The following CYP11B2 variants were observed in gnomAD, a reference collection of about 807,000 sequenced individuals.
The protein encoded by CYP11B2 is cytochrome P450 family 11 subfamily B member 2.
CYP11B2 carries 38 observed loss-of-function variants against 49.3 expected under a neutral mutation model. The observed-to-expected ratio is 0.77, with a 90% CI of 0.59 to 1.01. The LOEUF is 1.01. Ranked by LOEUF, CYP11B2 falls within the 50% of genes least tolerant of loss-of-function variation. CYP11B2 has a pLI of 0.00. For missense variants in CYP11B2, 669 were observed against 655.5 expected (o/e 1.02, Z -0.23); for synonymous variants, 290 against 269.3 (o/e 1.08, Z -0.75).
Position 142,914,803 on chromosome 8 carries a change from G to C in CYP11B2, c.701C>G (p.Thr234Ser). The change falls in exon 4 of 9, where the codon ACC becomes AGC. Residue 234 changes from threonine to serine, a missense_variant. Physicochemically the swap from Thr to Ser is moderately conservative, Grantham distance 58. Transcript: ENST00000323110. The part of the protein sequence containing the change: ...LHALEVMFKS[T>S]VQLMFMPRSL... ...CCTGGGCATGAACATGAGCTGGACG[G>C]TGGATTTGAACATGACCTCCAGGGC... The C allele has an allele frequency of 2.5e-6, 4 of 1,613,744 alleles. No homozygotes were observed. The highest frequency in any genetic ancestry group is 3.4e-6 in the Non-Finnish European group (4 of 1,179,998).
rs1817559591 is a variant in CYP11B2, at chr8:142,912,687, G to A, written c.1241C>T (p.Ala414Val). The change falls in exon 8 of 9, where the codon GCC becomes GTC. Residue 414 changes from alanine to valine, a missense_variant. Coordinates refer to ENST00000323110, the MANE Select transcript of CYP11B2 (RefSeq NM_000498.3). ...CCGCTCAGGCCTCGGGAACAAGGCG[G>A]CATTGCGACCCAGCGAGTAGAGGAA... The part of the protein sequence containing the change: ...QVFLYSLGRN[A>V]ALFPRPERYN... The A allele has an allele frequency of 1.1e-5, 18 of 1,614,090 alleles. No homozygotes were observed. The highest frequency in any genetic ancestry group is 1.5e-5 in the Non-Finnish European group (18 of 1,179,948).
intron 2 of CYP11B2, among the ~76,000 whole-genome samples, chr8:142,916,774 C>T (rs1586576531): frequency 1.3e-5 from 2 of 152,284 alleles, no homozygotes; most frequent in South Asian, 2.1e-4. Flanking sequence ...AAGCAGCCGC[C>T]GAGGTTGGTG....
chr8:142,912,875 C>T lies in CYP11B2; in HGVS notation c.1132G>A (p.Val378Met). 3 of 1,613,328 alleles carry T rather than the reference C, an allele frequency of 1.9e-6. No individual in the cohort carries two copies. The highest frequency in any genetic ancestry group is 1.7e-6 in the Non-Finnish European group (2 of 1,179,714). The change falls in exon 7 of 9, where the codon GTG becomes ATG. Residue 378 changes from valine to methionine, a missense_variant. Coordinates refer to ENST00000323110, the MANE Select transcript of CYP11B2 (RefSeq NM_000498.3). ...ALKETLRLYP[V>M]GLFLERVVSS... Reference sequence around the variant, plus strand: ...ACCACTCGCTCCAAAAACAGACCCACAGGGTAGAGCCTGGAGGTGGGGGCA... The same window carrying T: ...ACCACTCGCTCCAAAAACAGACCCATAGGGTAGAGCCTGGAGGTGGGGGCA...
chr8:142,915,335 C>T (rs570178480), intron 2 of CYP11B2, 90 bp from the exon 3 acceptor site: 18 of 1,214,534 alleles, frequency 1.5e-5, no homozygotes, highest in South Asian at 6.5e-5. Flanking sequence ...CAAGGGGAAT[C>T]GGCCTGCAGG....
Position 142,911,109 on chromosome 8 carries a change from A to C in CYP11B2, c.*871T>G, listed in dbSNP as rs765238629. 6.6e-6 allele frequency: 1 copy of C among 152,166 alleles called. No individual in the cohort carries two copies. Among genetic ancestry groups the C allele is most frequent in the African/African-American group, 2.4e-5 (1 of 41,432 alleles). 9.4% of individuals were successfully genotyped at this position (152,166 alleles called of 1,614,324 possible). ...ACATGGCTCCGTATCAACCAGAGGAATGAGTCAATAAAACTCATCTGAGTC... is the reference window on the plus strand; with the variant it reads ...ACATGGCTCCGTATCAACCAGAGGACTGAGTCAATAAAACTCATCTGAGTC... On this transcript the variant is annotated 3_prime_UTR_variant, in exon 9 of 9. Coordinates refer to ENST00000323110, the MANE Select transcript of CYP11B2 (RefSeq NM_000498.3).
rs1817592827 is a variant in CYP11B2, at chr8:142,914,157, TG to T, written c.954+106del. The stretch of plus-strand genomic sequence containing the variant: ...CTGAGGGCAACAGAAATGTGGGGCC[TG>T]TAGCCTGGGGATGGGGAACGTGGGT... On this transcript the variant is annotated intron_variant, in intron 5 of 8. Coordinates refer to ENST00000323110, the MANE Select transcript of CYP11B2 (RefSeq NM_000498.3). 4 of 1,315,038 alleles carry T rather than the reference TG, an allele frequency of 3.0e-6. No individual in the cohort carries two copies. In the East Asian group the frequency reaches 9.3e-5, roughly 31 times the overall value. 81.5% of individuals were successfully genotyped at this position (1,315,038 alleles called of 1,614,324 possible). A position where few individuals can be genotyped will look rare whatever the true frequency, so the allele number is the denominator to read the frequency against.
rs1285945305 is a variant in CYP11B2, at chr8:142,914,410, A to T, written c.808T>A (p.Cys270Ser). 1 of 1,612,442 alleles carries T rather than the reference A, an allele frequency of 6.2e-7. No individual in the cohort carries two copies. The highest frequency in any genetic ancestry group is 8.5e-7 in the Non-Finnish European group (1 of 1,179,268). ...WDCIFQYGDN[C>S]IQKIYQELAF... Reference sequence around the variant, plus strand: ...AGTTCCTGGTAGATTTTCTGGATACAGTTGTCACCTGTCCAGGGAGCAGGG... The same window carrying T: ...AGTTCCTGGTAGATTTTCTGGATACTGTTGTCACCTGTCCAGGGAGCAGGG... Residue 270 changes from cysteine to serine, a missense_variant, in exon 5 of 9, where the codon TGT (cysteine) becomes AGT (serine). Transcript: ENST00000323110.
At position 142,912,863 on chromosome 8, in the gene CYP11B2, A is replaced by G. The variant is rs61757295; in HGVS notation, c.1144T>C (p.Leu382=). The change falls in exon 7 of 9, where the codon TTG becomes CTG. Residue 382 remains leucine (L), a synonymous_variant. Transcript: ENST00000323110. Reference sequence around the variant, plus strand: ...AAGTCTGAGCTCACCACTCGCTCCAAAAACAGACCCACAGGGTAGAGCCTG... The same window carrying G: ...AAGTCTGAGCTCACCACTCGCTCCAGAAACAGACCCACAGGGTAGAGCCTG... The part of the protein sequence containing the change: ...TLRLYPVGLF[L]ERVVSSDLVL... 8.2e-3 allele frequency: 13,097 copies of G among 1,593,184 alleles called. 159 individuals are homozygous for G. Among genetic ancestry groups the G allele is most frequent in the African/African-American group, 0.037 (2,728 of 72,832 alleles).
chr8:142,916,885 A>G (rs1817654988), intron 2 of CYP11B2, among the ~76,000 whole-genome samples, 174 bp downstream of exon 2: 1 of 152,014 alleles, frequency 6.6e-6, no homozygotes, highest in African/African-American at 2.4e-5. Context: ...TCCCCAACCC[A>G]CAGTGCAGAC....
Position 142,914,732 on chromosome 8 carries a change from C to T in CYP11B2, c.772G>A (p.Glu258Lys). Residue 258 changes from glutamate (E) to lysine (K), a missense_variant, in exon 4 of 9, where the codon GAG becomes AAG. By Grantham distance (56) the Glu-to-Lys change is moderately conservative (BLOSUM62 1). Transcript: ENST00000323110. ...TACTGGAAGATGCAGTCCCAGGCCT[C>T]AAAGTGCTCCTTCCACACCTTGGGG... Reference protein sequence around the residue: ...ISPKVWKEHFEAWDCIFQYGD... With the variant: ...ISPKVWKEHFKAWDCIFQYGD... The T allele has an allele frequency of 6.2e-7, 1 of 1,612,432 alleles. No homozygotes were observed. Among genetic ancestry groups the T allele is most frequent in the East Asian group, 2.2e-5 (1 of 44,840 alleles).
chr8:142,915,892 C>A (rs1205003892), intron 2 of CYP11B2, among the ~76,000 whole-genome samples: 2 of 152,184 alleles, frequency 1.3e-5, no homozygotes, highest in Non-Finnish European at 2.9e-5. Context: ...TTATTTATGT[C>A]CAGCTGGCTG....
intron 3 of CYP11B2, 59 bp from the exon 4 acceptor site, chr8:142,914,967 C>T (rs890579892): frequency 1.2e-6 from 2 of 1,610,244 alleles, no homozygotes; most frequent in South Asian, 1.1e-5. Flanking sequence ...GCTGCCTCCC[C>T]ACACTCCCTT....
chr8:142,917,497 A>C (rs1817668188), intron 1 of CYP11B2, 105 bp downstream of exon 1: 1 of 1,613,130 alleles, frequency 6.2e-7, no homozygotes, highest in Non-Finnish European at 8.5e-7. Flanking sequence ...AAGGATGCAG[A>C]GTGCCGGGAC....
chr8:142,912,971 A>G (rs1424537745), intron 6 of CYP11B2, 86 bp from the exon 7 acceptor site: 2 of 1,416,582 alleles, frequency 1.4e-6, no homozygotes. Context: ...AAGACCCCGC[A>G]GAGGTCCCAG....
Position 142,914,364 on chromosome 8 carries a change from T to G in CYP11B2, c.854A>C (p.His285Pro). ...GAGCTCCGCCACGATGCCTGTGTAGTGTTGAGGGCGGTTGAAGGCCAGTTC... is the reference window on the plus strand; with the variant it reads ...GAGCTCCGCCACGATGCCTGTGTAGGGTTGAGGGCGGTTGAAGGCCAGTTC... ...YQELAFNRPQ[H>P]YTGIVAELLL... The change falls in exon 5 of 9, where the codon CAC (histidine) becomes CCC (proline). Residue 285 changes from histidine (H) to proline (P), a missense_variant. His to Pro is a moderately conservative substitution (Grantham distance 77). Transcript: ENST00000323110. The G allele has an allele frequency of 6.2e-7, 1 of 1,613,496 alleles. No homozygotes were observed. Among genetic ancestry groups the G allele is most frequent in the Non-Finnish European group, 8.5e-7 (1 of 1,179,530 alleles).
In CYP11B2 at chr8:142,910,564, T is replaced by C. The variant is rs1322292972; in HGVS notation, c.*1416A>G. ...GAGATAAAAGGCTTTAAAATATTTT[T>C]CCAAGGTTTATTTTAGGATCCCATG... On this transcript the variant is annotated 3_prime_UTR_variant, in exon 9 of 9. Coordinates refer to ENST00000323110, the MANE Select transcript of CYP11B2 (RefSeq NM_000498.3). The surrounding 1 kb of genome is among the most constrained non-coding windows in gnomAD (Gnocchi z 4.6). 1 of 152,220 alleles carries C rather than the reference T, an allele frequency of 6.6e-6. No individual in the cohort carries two copies. The highest frequency in any genetic ancestry group is 2.4e-5 in the African/African-American group (1 of 41,444). 9.4% of individuals were successfully genotyped at this position (152,220 alleles called of 1,614,324 possible).
intron 2 of CYP11B2, among the ~76,000 whole-genome samples, chr8:142,915,806 G>A (rs1476119829): frequency 7.3e-5 from 11 of 151,442 alleles, no homozygotes; most frequent in Admixed American, 4.6e-4. Flanking sequence ...GCCAGAGTGC[G>A]TGGGGGCTCC....
chr8:142,913,552 A>G, intron 5 of CYP11B2, 101 bp from the exon 6 acceptor site: 1 of 1,323,690 alleles, frequency 7.6e-7, no homozygotes, highest in East Asian at 2.4e-5. Flanking sequence ...GGAGACATCC[A>G]TGCCCTGAGC....
intron 5 of CYP11B2, 27 bp downstream of exon 5, chr8:142,914,237 C>T: frequency 1.9e-6 from 3 of 1,613,920 alleles, no homozygotes; most frequent in Non-Finnish European, 1.7e-6. Flanking sequence ...ATCACCCTCT[C>T]TGGGTGGGGC....
Sources: gnomAD v4.1 joint callset for allele counts (sites outside exome capture counted in the v4.1 genomes callset) on GRCh38, gnomAD v4.1.1 for gene constraint, Gnocchi (gnomAD v3.1) non-coding constraint, MANE v1.5 for transcripts, NCBI Gene and HGNC (gene_info 2026-07-23, HGNC 2026-07-21) for gene names.